The following NFIB variants were observed in gnomAD, a reference collection of about 807,000 sequenced individuals.
NFIB encodes the protein nuclear factor I B.
Under a neutral mutation model 61.5 loss-of-function variants are expected in NFIB, and 11 were observed. That is an observed-to-expected ratio of 0.18 (90% CI 0.11 to 0.30). The LOEUF is 0.30. NFIB is among the 10% of genes least tolerant of loss of function. NFIB has a pLI of 1.00. For synonymous variants in NFIB, 260 were observed against 216.5 expected (o/e 1.20, Z -1.76); for missense variants, 471 against 608.9 (o/e 0.77, Z 2.38).
At chr9:14,150,110 T>G in intron 5 of NFIB, 35 bp downstream of exon 5, 2 of 1,612,498 alleles carry the variant, frequency 1.2e-6, no homozygotes, top group Non-Finnish European at 1.7e-6. Flanking sequence ...TATGTGTGTA[T>G]CACTTGAGAA....
At chr9:14,286,998 T>C (rs10738358) in intron 2 of NFIB, among the ~76,000 whole-genome samples, 133,429 of 152,156 alleles carry the variant, frequency 0.88, 59,100 homozygotes, top group Non-Finnish European at 0.94. Flanking sequence ...CTGATCACTG[T>C]CATCTAAGAA....
chr9:14,185,533 G>C (rs2047247331), intron 2 of NFIB, among the ~76,000 whole-genome samples: 1 of 152,036 alleles, frequency 6.6e-6, no homozygotes, highest in Non-Finnish European at 1.5e-5. Flanking sequence ...CCCAGGGTGA[G>C]GTCATCCCCT....
chr9:14,243,610 T>A (rs2054571643), intron 2 of NFIB, among the ~76,000 whole-genome samples: 1 of 117,816 alleles, frequency 8.5e-6, no homozygotes, highest in African/African-American at 2.6e-5. Context: ...TGGGTATTTT[T>A]TAAAAAAAAA....
chr9:14,177,056 T>C (rs2046271586), intron 3 of NFIB, among the ~76,000 whole-genome samples: 1 of 152,226 alleles, frequency 6.6e-6, no homozygotes, highest in East Asian at 1.9e-4. Flanking sequence ...CAAGGTGATC[T>C]TTTTCAAAAG....
chr9:14,258,726 G>A lies in NFIB; in HGVS notation c.562+48263C>T, dbSNP rs1307224020. Among the ~76,000 whole-genome samples, 3 of 152,152 alleles carry A rather than the reference G, an allele frequency of 2.0e-5. No homozygotes were observed. In the East Asian group the frequency reaches 5.8e-4, roughly 29 times the overall value. Reference sequence around the variant, plus strand: ...ATTTCCAAAATACGTGCTTTTAAAAGTTTTACATCCTCTCTTCATAAATCA... The same window carrying A: ...ATTTCCAAAATACGTGCTTTTAAAAATTTTACATCCTCTCTTCATAAATCA... On this transcript the variant is annotated intron_variant, in intron 2 of 10. Coordinates refer to ENST00000380953, the MANE Select transcript of NFIB (RefSeq NM_001190737.2).
chr9:14,315,757 C>CG (rs1379691345), upstream of NFIB, among the ~76,000 whole-genome samples: 1 of 151,792 alleles, frequency 6.6e-6, no homozygotes, highest in Non-Finnish European at 1.5e-5. Context: ...ATACACACAC[C>CG]GCCCCCCAAA....
intron 10 of NFIB, among the ~76,000 whole-genome samples, chr9:14,112,022 A>G (rs990862878): frequency 6.6e-6 from 1 of 152,206 alleles, no homozygotes; most frequent in Non-Finnish European, 1.5e-5. Flanking sequence ...GTAAGTGGGC[A>G]AAAGTATCTT....
intron 1 of NFIB, among the ~76,000 whole-genome samples, chr9:14,385,979 C>A (rs748156106): frequency 6.6e-6 from 1 of 151,952 alleles, no homozygotes; most frequent in African/African-American, 2.4e-5. Context: ...GACAGGGTTT[C>A]GCCATGTTTT....
chr9:14,521,572 C>T, the NFIB span, among the ~76,000 whole-genome samples: 2 of 152,136 alleles, frequency 1.3e-5, no homozygotes, highest in Non-Finnish European at 2.9e-5. Flanking sequence ...ATGCAAAGTA[C>T]CTAGCAGAGA....
intron 2 of NFIB, among the ~76,000 whole-genome samples, chr9:14,180,164 G>A (rs551998819): frequency 1.3e-5 from 2 of 152,044 alleles, no homozygotes; most frequent in Admixed American, 6.6e-5. Context: ...GTAATTAAAC[G>A]TGCATTTAAA....
intron 6 of NFIB, among the ~76,000 whole-genome samples, chr9:14,141,917 A>AAC (rs1429512057): frequency 9.0e-6 from 1 of 111,376 alleles, no homozygotes; most frequent in African/African-American, 3.9e-5. Context: ...AAAAAAAAAA[A>AAC]AAAAAAAAAC....
intron 2 of NFIB, among the ~76,000 whole-genome samples, chr9:14,265,201 G>A (rs1186428727): frequency 2.4e-4 from 36 of 152,118 alleles, no homozygotes; most frequent in Admixed American, 2.4e-3. Context: ...TTGCAACTAG[G>A]ACTATCTATC....
intron 1 of NFIB, among the ~76,000 whole-genome samples, chr9:14,358,771 C>T (rs145216492): frequency 1.6e-4 from 24 of 152,318 alleles, no homozygotes; most frequent in African/African-American, 4.1e-4. Context: ...TTGCAGCCAA[C>T]TCATATCAAC....
At chr9:14,148,432 A>T (rs1405760906) in intron 5 of NFIB, among the ~76,000 whole-genome samples, 5 of 150,378 alleles carry the variant, frequency 3.3e-5, no homozygotes, top group Non-Finnish European at 5.9e-5. Context: ...TTCTTTAATT[A>T]AAAAAAAAAT....
the NFIB span, among the ~76,000 whole-genome samples, chr9:14,443,647 C>T: frequency 6.6e-6 from 1 of 152,212 alleles, no homozygotes; most frequent in East Asian, 1.9e-4. Flanking sequence ...TCTTTACTTC[C>T]CAATTATTTT....
At chr9:14,203,453 C>T (rs1247372991) in intron 2 of NFIB, among the ~76,000 whole-genome samples, 3 of 152,240 alleles carry the variant, frequency 2.0e-5, no homozygotes, top group African/African-American at 4.8e-5. Flanking sequence ...ATTGTAAAAA[C>T]ATTCTGCCCC....
intron 2 of NFIB, among the ~76,000 whole-genome samples, chr9:14,278,130 G>T (rs2058128212): frequency 6.6e-6 from 1 of 152,164 alleles, no homozygotes; most frequent in African/African-American, 2.4e-5. Flanking sequence ...TGACCAGTAT[G>T]TCTTTCTAAT....
chr9:14,467,680 T>C, the NFIB span, among the ~76,000 whole-genome samples: 10 of 152,252 alleles, frequency 6.6e-5, no homozygotes, highest in Admixed American at 4.6e-4. Context: ...TGATTTGATA[T>C]TCATTCAATA....
chr9:14,475,513 G>A, the NFIB span, among the ~76,000 whole-genome samples: 2 of 152,122 alleles, frequency 1.3e-5, no homozygotes, highest in Admixed American at 6.5e-5. Flanking sequence ...AAAGGCCAGC[G>A]AGTCTTGAAT....
Sources: gnomAD v4.1 joint callset for allele counts (sites outside exome capture counted in the v4.1 genomes callset) on GRCh38, gnomAD v4.1.1 for gene constraint, MANE v1.5 for transcripts, NCBI Gene and HGNC (gene_info 2026-07-23, HGNC 2026-07-21) for gene names.